The following CFAP20DC variants were observed in gnomAD, a reference collection of about 807,000 sequenced individuals.
CFAP20DC encodes the protein protein CFAP20DC.
In CFAP20DC, 84 loss-of-function variants were observed where a neutral mutation model predicts 101.7. The observed-to-expected ratio is 0.83, with a 90% CI of 0.69 to 0.99. The LOEUF is 0.99. Ranked by LOEUF, CFAP20DC falls within the 50% of genes least tolerant of loss-of-function variation. CFAP20DC has a pLI of 0.00. For synonymous variants in CFAP20DC, 359 were observed against 351.2 expected (o/e 1.02, Z -0.25); for missense variants, 1,007 against 970.3 (o/e 1.04, Z -0.50).
intron 5 of CFAP20DC, among the ~76,000 whole-genome samples, chr3:58,928,309 T>C (rs1022689180): frequency 1.3e-5 from 2 of 152,148 alleles, no homozygotes; most frequent in African/African-American, 4.8e-5. Context: ...GCCCAAAATA[T>C]CTACTCTGCA....
chr3:58,779,000 A>G (rs1389075707), intron 15 of CFAP20DC, among the ~76,000 whole-genome samples: 1 of 152,214 alleles, frequency 6.6e-6, no homozygotes. Flanking sequence ...AATTATTGGA[A>G]GAAGTGACAG....
At chr3:58,933,998 G>C (rs1415331813) in intron 5 of CFAP20DC, among the ~76,000 whole-genome samples, 1 of 151,844 alleles carries the variant, frequency 6.6e-6, no homozygotes, top group East Asian at 1.9e-4. Flanking sequence ...TTTTTTGAAA[G>C]GATCAACAAA....
chr3:58,926,519 A>AT (rs1324169309), intron 5 of CFAP20DC, among the ~76,000 whole-genome samples: 2 of 152,200 alleles, frequency 1.3e-5, no homozygotes, highest in Non-Finnish European at 2.9e-5. Flanking sequence ...CTCTAATTGT[A>AT]TTTTGTACGT....
rs1576029384 is a variant in CFAP20DC at position 58,868,372 on chromosome 3, ACTT to A, written c.1016-439_1016-437del. Among the ~76,000 whole-genome samples the A allele has an allele frequency of 6.6e-6, 1 of 152,162 alleles. No individual in the cohort carries two copies. Among genetic ancestry groups the A allele is most frequent in the African/African-American group, 2.4e-5 (1 of 41,442 alleles). ...AGAACTGAGGTCAAGCTGAAGAAGA[ACTT>A]CTAAGTACGATTTAATTTAGCAATA... On this transcript the variant is annotated intron_variant, in intron 9 of 16. Transcript: ENST00000482387. This position sits in a 1 kb window ranked among gnomAD's most constrained non-coding sequence, Gnocchi z 4.6.
At chr3:58,846,859 C>G (rs1239696772) in intron 13 of CFAP20DC, among the ~76,000 whole-genome samples, 1 of 149,956 alleles carries the variant, frequency 6.7e-6, no homozygotes, top group Non-Finnish European at 1.5e-5. Flanking sequence ...GAAATAACGC[C>G]GCATATCTAC....
intron 4 of CFAP20DC, among the ~76,000 whole-genome samples, chr3:59,004,619 T>A (rs9848871): frequency 0.23 from 35,274 of 151,918 alleles, 4,608 homozygotes; most frequent in African/African-American, 0.36. Context: ...AAATTAGAAG[T>A]CGTCATTAAA....
chr3:59,020,592 A>C (rs1158295759), intron 4 of CFAP20DC, among the ~76,000 whole-genome samples: 10 of 151,968 alleles, frequency 6.6e-5, no homozygotes. Flanking sequence ...ACTGTTCACA[A>C]TTATTGGCTA....
intron 3 of CFAP20DC, among the ~76,000 whole-genome samples, chr3:58,733,628 G>A (rs2067690363): frequency 6.6e-6 from 1 of 152,214 alleles, no homozygotes. Flanking sequence ...TTACTCAGGA[G>A]TAGGATTCTG....
chr3:58,784,158 T>G (rs1277916905), intron 15 of CFAP20DC, among the ~76,000 whole-genome samples: 1 of 152,132 alleles, frequency 6.6e-6, no homozygotes, highest in Non-Finnish European at 1.5e-5. Context: ...TAGTGCCCAC[T>G]TATGAGTGAG....
chr3:58,952,651 A>T (rs572827020), intron 4 of CFAP20DC, among the ~76,000 whole-genome samples: 7 of 152,114 alleles, frequency 4.6e-5, no homozygotes, highest in African/African-American at 1.4e-4. Context: ...GTTGCAGGCT[A>T]TGACATCTTT....
chr3:58,916,982 G>C (rs1458494113), intron 5 of CFAP20DC, among the ~76,000 whole-genome samples: 2 of 151,888 alleles, frequency 1.3e-5, no homozygotes, highest in Admixed American at 1.3e-4. Context: ...CATTTTTCTT[G>C]ATCTCTAATT....
intron 16 of CFAP20DC, among the ~76,000 whole-genome samples, chr3:58,746,671 T>C (rs960760169): frequency 1.3e-5 from 2 of 152,150 alleles, no homozygotes; most frequent in Non-Finnish European, 2.9e-5. Context: ...CCCTCGCGCA[T>C]TATAACCATG....
intron 15 of CFAP20DC, among the ~76,000 whole-genome samples, chr3:58,787,989 G>C (rs927011670): frequency 6.6e-6 from 1 of 151,840 alleles, no homozygotes; most frequent in Non-Finnish European, 1.5e-5. Context: ...GCCTGTTGGG[G>C]GGTGGGGTGC....
intron 15 of CFAP20DC, among the ~76,000 whole-genome samples, chr3:58,759,328 A>C (rs1412641923): frequency 6.6e-6 from 1 of 152,144 alleles, no homozygotes; most frequent in Non-Finnish European, 1.5e-5. Context: ...TGGCTGCATA[A>C]ATGTCTTCTT....
At chr3:59,045,446 G>C (rs1699777471) in intron 3 of CFAP20DC, among the ~76,000 whole-genome samples, 1 of 151,992 alleles carries the variant, frequency 6.6e-6, no homozygotes, top group Admixed American at 6.6e-5. Flanking sequence ...ATAGGACGTA[G>C]TTGATGAAAA....
intron 4 of CFAP20DC, among the ~76,000 whole-genome samples, chr3:58,950,115 T>G (rs971797688): frequency 1.3e-5 from 2 of 152,170 alleles, no homozygotes; most frequent in Non-Finnish European, 2.9e-5. Context: ...CAAGCATTCT[T>G]ATACACCAAT....
chr3:58,808,565 C>T (rs1173334499), intron 14 of CFAP20DC, among the ~76,000 whole-genome samples: 9 of 152,152 alleles, frequency 5.9e-5, no homozygotes, highest in South Asian at 2.1e-4. Flanking sequence ...CTGAAGGAAC[C>T]GCTAAACATG....
intron 4 of CFAP20DC, among the ~76,000 whole-genome samples, chr3:58,991,703 C>A (rs2092943593): frequency 6.6e-6 from 1 of 152,066 alleles, no homozygotes; most frequent in African/African-American, 2.4e-5. Flanking sequence ...GTGCAGTTCA[C>A]AATAGGGTCT....
intron 4 of CFAP20DC, among the ~76,000 whole-genome samples, chr3:59,023,915 C>T (rs1012383482): frequency 3.3e-5 from 5 of 151,986 alleles, no homozygotes; most frequent in Admixed American, 2.0e-4. Context: ...CCTCTATTTA[C>T]GTAAAACATA....
Sources: gnomAD v4.1 joint callset for allele counts (sites outside exome capture counted in the v4.1 genomes callset) on GRCh38, gnomAD v4.1.1 for gene constraint, Gnocchi (gnomAD v3.1) non-coding constraint, MANE v1.5 for transcripts, NCBI Gene and HGNC (gene_info 2026-07-23, HGNC 2026-07-21) for gene names.